Variants in RALGPS1 observed in about 807,000 individuals in gnomAD.
RALGPS1 encodes the protein Ral GEF with PH domain and SH3 binding motif 1, also known as ras-specific guanine nucleotide-releasing factor RalGPS1.
A neutral mutation model predicts 78.8 loss-of-function variants in RALGPS1; 19 were observed. That is an observed-to-expected ratio of 0.24 (90% CI 0.17 to 0.35). The LOEUF (loss-of-function observed/expected upper bound fraction) is 0.35. Ranked by LOEUF, RALGPS1 falls within the 10% of genes least tolerant of loss-of-function variation. The probability of loss-of-function intolerance (pLI) is 1.00; values close to 1 mark genes in which losing one functional copy is unlikely to be tolerated. For synonymous variants in RALGPS1, 228 were observed against 256.3 expected (o/e 0.89, Z 1.06); for missense variants, 454 against 688.3 (o/e 0.66, Z 3.81).
chr9:127,157,370 A>G (rs892187232), intron 8 of RALGPS1, among the ~76,000 whole-genome samples: 2 of 152,090 alleles, frequency 1.3e-5, no homozygotes, highest in Non-Finnish European at 2.9e-5. Flanking sequence ...AAAGTGTTAC[A>G]TTCTCATTGC....
At chr9:126,952,654 A>AGTGTGTGTGTGTGTGTGTGTGTGTGT (rs1392225698) in intron 1 of RALGPS1, among the ~76,000 whole-genome samples, 2 of 138,006 alleles carry the variant, frequency 1.4e-5, no homozygotes, top group South Asian at 2.3e-4. Flanking sequence ...AGAGAGAGAG[A>AGTGTGTGTGTGTGTGTGTGTGTGTGT]GAGTGTGTGT....
intron 1 of RALGPS1, among the ~76,000 whole-genome samples, chr9:126,944,637 T>A (rs987655803): frequency 6.6e-6 from 1 of 152,204 alleles, no homozygotes; most frequent in Non-Finnish European, 1.5e-5. Context: ...AATTTTTTTT[T>A]AACTTTTTAT....
rs1446797267 is a variant in RALGPS1, at chr9:127,221,403, G to T, written c.*2634G>T. 1 of 152,214 alleles carries T rather than the reference G, an allele frequency of 6.6e-6. No homozygotes were observed. Among genetic ancestry groups the T allele is most frequent in the African/African-American group, 2.4e-5 (1 of 41,458 alleles). 9.4% of individuals were successfully genotyped at this position (152,214 alleles called of 1,614,324 possible). A position where few individuals can be genotyped will look rare whatever the true frequency, so the allele number is the denominator to read the frequency against. On this transcript the variant is annotated 3_prime_UTR_variant, in exon 19 of 19. Transcript: ENST00000259351. ...CAAATGGATCATGGCACCCCAAAAT[G>T]AAAGTTATAGAAAGCTGTCTACAAC...
chr9:127,023,568 G>C (rs186520295), intron 4 of RALGPS1, among the ~76,000 whole-genome samples: 5 of 152,246 alleles, frequency 3.3e-5, no homozygotes, highest in Non-Finnish European at 5.9e-5. Context: ...GCCTGGCAGT[G>C]AGTTCCCCTC....
At chr9:127,143,235 G>A (rs1222719861) in intron 8 of RALGPS1, among the ~76,000 whole-genome samples, 1 of 152,180 alleles carries the variant, frequency 6.6e-6, no homozygotes, top group African/African-American at 2.4e-5. Flanking sequence ...TGCAACTGCT[G>A]AGTCAAAGGA....
chr9:127,108,952 A>C (rs1179920952), intron 8 of RALGPS1, among the ~76,000 whole-genome samples: 2 of 152,184 alleles, frequency 1.3e-5, no homozygotes, highest in Non-Finnish European at 2.9e-5. Context: ...TCTGGAAGCA[A>C]GAGGAGACAG....
At chr9:127,067,480 G>GCCCAGGGCTCCCTAATGCAC (rs1396812494) in intron 7 of RALGPS1, among the ~76,000 whole-genome samples, 1 of 152,210 alleles carries the variant, frequency 6.6e-6, no homozygotes, top group Non-Finnish European at 1.5e-5. Context: ...GCCCAAAGCA[G>GCCCAGGGCTCCCTAATGCAC]CCCAGGGCTC....
At chr9:126,935,912 T>G (rs1231643449) in intron 1 of RALGPS1, among the ~76,000 whole-genome samples, 1 of 152,214 alleles carries the variant, frequency 6.6e-6, no homozygotes, top group Non-Finnish European at 1.5e-5. Context: ...AGCTGCCCAC[T>G]TGCTGCCTAT....
chr9:127,184,271 G>A (rs1330187319), intron 11 of RALGPS1: 1 of 460,180 alleles, frequency 2.2e-6, no homozygotes, highest in African/African-American at 2.0e-5. Flanking sequence ...AGTGAGCCGT[G>A]ATCGCGCCAC....
intron 18 of RALGPS1, among the ~76,000 whole-genome samples, chr9:127,215,419 G>A (rs1420394950): frequency 6.6e-6 from 1 of 152,250 alleles, no homozygotes; most frequent in Non-Finnish European, 1.5e-5. Flanking sequence ...CCCACGAAGG[G>A]TGTTATGCGA....
chr9:127,145,956 G>A (rs749091258), intron 8 of RALGPS1, among the ~76,000 whole-genome samples: 1 of 152,144 alleles, frequency 6.6e-6, no homozygotes, highest in Non-Finnish European at 1.5e-5. Context: ...TTTGTTTACT[G>A]TCTGGCAGCT....
At chr9:126,962,646 C>T (rs897888630) in intron 2 of RALGPS1, among the ~76,000 whole-genome samples, 10 of 152,216 alleles carry the variant, frequency 6.6e-5, no homozygotes, top group Non-Finnish European at 1.3e-4. Context: ...CAGGAAAAGC[C>T]GCTGCTGATT....
Position 127,196,463 on chromosome 9 carries a change from C to T in RALGPS1, c.1038-11C>T. 6.2e-7 allele frequency: 1 copy of T among 1,605,118 alleles called. No individual in the cohort carries two copies. Among genetic ancestry groups the T allele is most frequent in the Non-Finnish European group, 8.5e-7 (1 of 1,174,304 alleles). Reference sequence around the variant, plus strand: ...GGAGCTTTGCCTTCTTTCTTCCTTTCCATTTTCCAGTATGATGTGTCAGTT... The same window carrying T: ...GGAGCTTTGCCTTCTTTCTTCCTTTTCATTTTCCAGTATGATGTGTCAGTT... On this transcript the variant is annotated splice_polypyrimidine_tract_variant and intron_variant, in intron 12 of 18. Coordinates refer to ENST00000259351, the MANE Select transcript of RALGPS1 (RefSeq NM_014636.3).
chr9:126,935,087 GA>G (rs2036137769), intron 1 of RALGPS1, among the ~76,000 whole-genome samples: 1 of 152,184 alleles, frequency 6.6e-6, no homozygotes. Flanking sequence ...CCTCTTCTAA[GA>G]ATGCTTTTCT....
chr9:127,101,961 G>A (rs903997663), intron 8 of RALGPS1, among the ~76,000 whole-genome samples: 5 of 151,946 alleles, frequency 3.3e-5, no homozygotes, highest in African/African-American at 1.2e-4. Flanking sequence ...AGTTCCACAG[G>A]CTCATCTTGA....
chr9:127,096,059 A>T (rs1016628576), intron 8 of RALGPS1, among the ~76,000 whole-genome samples: 5 of 152,040 alleles, frequency 3.3e-5, no homozygotes, highest in African/African-American at 1.2e-4. Flanking sequence ...TCTCTAAGGG[A>T]TGGGGCAGGA....
chr9:126,971,237 A>T (rs1271385182), intron 3 of RALGPS1, among the ~76,000 whole-genome samples: 1 of 152,136 alleles, frequency 6.6e-6, no homozygotes, highest in Non-Finnish European at 1.5e-5. Flanking sequence ...GAACTTCACA[A>T]ATAATTAAAA....
intron 4 of RALGPS1, among the ~76,000 whole-genome samples, chr9:127,013,826 A>G (rs1466514807): frequency 3.3e-5 from 5 of 151,952 alleles, no homozygotes; most frequent in African/African-American, 1.2e-4. Flanking sequence ...TGGCCTTCCC[A>G]CAGGTCCTTG....
chr9:126,996,658 G>A lies in RALGPS1; in HGVS notation c.216+18913G>A, dbSNP rs1287428111. Among the ~76,000 whole-genome samples the A allele has an allele frequency of 7.9e-3, 1,204 of 152,090 alleles. 16 individuals are homozygous for A. The highest frequency in any genetic ancestry group is 0.027 in the African/African-American group (1,137 of 41,464). ...AACTATTCCAATCAATAGAAAAAGAGGGAATCCTCCCTAACTCATTTTATG... is the reference window on the plus strand; with the variant it reads ...AACTATTCCAATCAATAGAAAAAGAAGGAATCCTCCCTAACTCATTTTATG... On this transcript the variant is annotated intron_variant, in intron 4 of 18. Coordinates refer to ENST00000259351, the MANE Select transcript of RALGPS1 (RefSeq NM_014636.3).
Sources: gnomAD v4.1 joint callset for allele counts (sites outside exome capture counted in the v4.1 genomes callset) on GRCh38, gnomAD v4.1.1 for gene constraint, MANE v1.5 for transcripts, NCBI Gene and HGNC (gene_info 2026-07-23, HGNC 2026-07-21) for gene names.